ST7: variants seen among roughly 807,000 people sequenced by gnomAD.
ST7 encodes the protein suppressor of tumorigenicity 7 protein.
Under a neutral mutation model 78.7 loss-of-function variants are expected in ST7, and 28 were observed. The ratio of observed to expected loss-of-function variants is 0.36; its 90% CI spans 0.26 to 0.49. ST7 has a LOEUF of 0.49. Among genes scored for constraint, ST7 ranks in the 20% least tolerant of loss-of-function variants. The pLI is 0.99. For synonymous variants in ST7, 247 were observed against 249.6 expected, an observed-to-expected ratio of 0.99 and a Z score of 0.10; for missense variants, 418 against 696.0, an observed-to-expected ratio of 0.60 and a Z score of 4.49.
At chr7:117,005,310 A>G (rs1249580907) in intron 1 of ST7, among the ~76,000 whole-genome samples, 1 of 152,146 alleles carries the variant, frequency 6.6e-6, no homozygotes, top group African/African-American at 2.4e-5. Flanking sequence ...AGTCACATGT[A>G]AGTTTAAAAT....
At chr7:116,986,591 T>G (rs928351478) in intron 1 of ST7, among the ~76,000 whole-genome samples, 20 of 152,200 alleles carry the variant, frequency 1.3e-4, no homozygotes, top group African/African-American at 4.8e-4. Context: ...CCATATTCTT[T>G]GCAGACAGCA....
At chr7:117,177,212 A>G (rs1450980360) in intron 10 of ST7, among the ~76,000 whole-genome samples, 5 of 152,198 alleles carry the variant, frequency 3.3e-5, no homozygotes, top group African/African-American at 1.2e-4. Context: ...AGAACAAATG[A>G]TAGACTGTCA....
intron 1 of ST7, among the ~76,000 whole-genome samples, chr7:117,056,681 A>G (rs1798079671): frequency 6.6e-6 from 1 of 152,102 alleles, no homozygotes; most frequent in Non-Finnish European, 1.5e-5. Flanking sequence ...AAGATAAAAT[A>G]GAAGAAAGTG....
intron 1 of ST7, among the ~76,000 whole-genome samples, chr7:116,985,988 A>G (rs1794174047): frequency 1.3e-5 from 2 of 152,134 alleles, no homozygotes; most frequent in African/African-American, 4.8e-5. Flanking sequence ...ATGCACCACC[A>G]TGCCTGGCTA....
chr7:117,171,328 A>G (rs1269699754), intron 10 of ST7, among the ~76,000 whole-genome samples: 1 of 152,154 alleles, frequency 6.6e-6, no homozygotes, highest in Non-Finnish European at 1.5e-5. Context: ...ACTGACTGTT[A>G]GAGCTCTTGC....
At chr7:117,092,367 C>T (rs1021323213) in intron 1 of ST7, among the ~76,000 whole-genome samples, 1 of 146,534 alleles carries the variant, frequency 6.8e-6, no homozygotes, top group South Asian at 2.3e-4. Flanking sequence ...GAGCAGGGAT[C>T]GTTGGAGTCA....
intron 1 of ST7, among the ~76,000 whole-genome samples, chr7:116,963,824 G>A (rs1792961345): frequency 6.6e-6 from 1 of 151,782 alleles, no homozygotes; most frequent in Non-Finnish European, 1.5e-5. Flanking sequence ...GTAGAGACAG[G>A]GTTTCACCAT....
intron 13 of ST7, among the ~76,000 whole-genome samples, chr7:117,211,668 A>T (rs1440202692): frequency 6.6e-5 from 10 of 151,932 alleles, no homozygotes; most frequent in African/African-American, 2.2e-4. Flanking sequence ...AAGACATGGT[A>T]TCACCATAGA....
chr7:117,166,686 G>A (rs1332001905), intron 9 of ST7, among the ~76,000 whole-genome samples: 3 of 152,070 alleles, frequency 2.0e-5, no homozygotes, highest in East Asian at 1.9e-4. Flanking sequence ...TCAGGAGATC[G>A]AGACCATCCT....
At chr7:117,128,613 G>A (rs146749653) in intron 3 of ST7, among the ~76,000 whole-genome samples, 205 of 151,948 alleles carry the variant, frequency 1.3e-3, no homozygotes, top group Non-Finnish European at 1.9e-3. Flanking sequence ...CCTGTTATGT[G>A]TATATCCTTT....
chr7:117,046,279 G>A (rs1407467786), intron 1 of ST7, among the ~76,000 whole-genome samples: 5 of 151,970 alleles, frequency 3.3e-5, no homozygotes, highest in African/African-American at 4.8e-5. Context: ...TCAGCCTGTC[G>A]GGCAAGGCTT....
At chr7:117,041,148 G>A (rs1412910139) in intron 1 of ST7, among the ~76,000 whole-genome samples, 2 of 152,142 alleles carry the variant, frequency 1.3e-5, no homozygotes, top group African/African-American at 4.8e-5. Flanking sequence ...GTTTGTGCAA[G>A]GATATCAGCT....
chr7:117,227,604 T>C (rs1793530854), intron 15 of ST7, among the ~76,000 whole-genome samples: 2 of 152,206 alleles, frequency 1.3e-5, no homozygotes, highest in South Asian at 2.1e-4. Context: ...ATGTGTGTAT[T>C]TCCTATCATG....
chr7:117,091,455 T>C (rs1425100665), intron 1 of ST7, among the ~76,000 whole-genome samples: 1 of 152,330 alleles, frequency 6.6e-6, no homozygotes, highest in East Asian at 1.9e-4. Context: ...TATTTCCATA[T>C]TAAAAAAACA....
At chr7:117,208,266 C>T (rs1361278851) in intron 12 of ST7, among the ~76,000 whole-genome samples, 2 of 152,158 alleles carry the variant, frequency 1.3e-5, no homozygotes, top group African/African-American at 4.8e-5. Flanking sequence ...TCTTCTAGAA[C>T]TCATGTTTGA....
At chr7:117,061,018 A>G (rs1274808120) in intron 1 of ST7, among the ~76,000 whole-genome samples, 2 of 152,182 alleles carry the variant, frequency 1.3e-5, no homozygotes, top group Non-Finnish European at 1.5e-5. Context: ...AAAAAACAAA[A>G]TATAATATTG....
At chr7:117,106,187 A>G (rs548592356) in intron 2 of ST7, among the ~76,000 whole-genome samples, 1 of 151,794 alleles carries the variant, frequency 6.6e-6, no homozygotes, top group East Asian at 1.9e-4. Context: ...TTTAGTAGAG[A>G]CGGGGTTTCA....
intron 1 of ST7, among the ~76,000 whole-genome samples, chr7:116,963,412 C>T (rs766176844): frequency 2.0e-5 from 3 of 152,178 alleles, no homozygotes; most frequent in Non-Finnish European, 2.9e-5. Flanking sequence ...ATACTACCTA[C>T]TGTGCTAAAA....
At chr7:117,074,259 C>T (rs1235118642) in intron 1 of ST7, among the ~76,000 whole-genome samples, 8 of 152,144 alleles carry the variant, frequency 5.3e-5, no homozygotes, top group East Asian at 1.9e-4. Flanking sequence ...GGTGTGGTGG[C>T]GCACACCTGT....
Sources: allele counts gnomAD v4.1 joint callset (sites outside exome capture counted in the v4.1 genomes callset), GRCh38; gene constraint gnomAD v4.1.1; transcripts MANE v1.5; gene names NCBI Gene and HGNC (gene_info 2026-07-23, HGNC 2026-07-21).